FILIP1: variants seen among roughly 807,000 people sequenced by gnomAD.
FILIP1 encodes filamin A interacting protein 1, also known as filamin-A-interacting protein 1.
FILIP1 carries 61 observed loss-of-function variants against 102.1 expected under a neutral mutation model. That is an observed-to-expected ratio of 0.60 (90% CI 0.49 to 0.74). The LOEUF (loss-of-function observed/expected upper bound fraction) is 0.74. Among genes scored for constraint, FILIP1 ranks in the 30% least tolerant of loss-of-function variants. The probability of loss-of-function intolerance (pLI) is 0.00; values close to 1 mark genes in which losing one functional copy is unlikely to be tolerated. For synonymous variants in FILIP1, 491 were observed against 526.9 expected, an observed-to-expected ratio of 0.93 and a Z score of 0.93; for missense variants, 1,314 against 1,441.2, an observed-to-expected ratio of 0.91 and a Z score of 1.43.
At chr6:75,369,880 T>C (rs548431453) in intron 2 of FILIP1, among the ~76,000 whole-genome samples, 8 of 152,344 alleles carry the variant, frequency 5.3e-5, no homozygotes, top group African/African-American at 1.4e-4. Flanking sequence ...TCTTAGACGA[T>C]GTAACCATGA....
chr6:75,295,117 C>T (rs944145599), exon 7 of FILIP1: 3 of 152,016 alleles, frequency 2.0e-5, no homozygotes, highest in Non-Finnish European at 4.4e-5. Flanking sequence ...AAGTCTTATA[C>T]ATACAAGTAA....
chr6:75,441,712 A>AC lies in FILIP1; in HGVS notation c.-6-26735dup, dbSNP rs1211033227. ...GGGCGGCTGGCCGGGCGGGGGACTG[A>AC]CCCCCCCACCTCCCTCCCGGACGGG... is the stretch of plus-strand genomic sequence containing the variant. On this transcript the variant is annotated intron_variant, in intron 1 of 5. Coordinates refer to ENST00000237172, the MANE Select transcript of FILIP1 (RefSeq NM_015687.5). Among the ~76,000 whole-genome samples, 9 of 125,180 alleles carry AC rather than the reference A, an allele frequency of 7.2e-5. No homozygotes were observed. In the South Asian group the frequency reaches 8.2e-4, roughly 11 times the overall value. The allele number at this position is 125,180 out of a possible 152,430, so 82.1% of individuals were successfully genotyped here.
intron 1 of FILIP1, among the ~76,000 whole-genome samples, chr6:75,473,170 G>C (rs1392789069): frequency 2.6e-5 from 4 of 152,110 alleles, no homozygotes; most frequent in Non-Finnish European, 5.9e-5. Context: ...GGACAATCTT[G>C]AGGAAGGATC....
chr6:75,330,049 G>A (rs560409287), intron 4 of FILIP1, among the ~76,000 whole-genome samples: 136 of 152,238 alleles, frequency 8.9e-4, no homozygotes, highest in African/African-American at 3.2e-3. Context: ...AGAGAGAAGT[G>A]GATGAGGGTT....
At chr6:75,389,412 TTTTTCTATTGA>T (rs1374321294) in intron 2 of FILIP1, among the ~76,000 whole-genome samples, 2 of 152,192 alleles carry the variant, frequency 1.3e-5, no homozygotes, top group African/African-American at 4.8e-5. Context: ...GGAGTCCCTC[TTTTTCTATTGA>T]TTGGAATGGT....
chr6:75,295,733 T>C (rs969887655), exon 7 of FILIP1: 1 of 402,468 alleles, frequency 2.5e-6, no homozygotes, highest in African/African-American at 2.1e-5. Flanking sequence ...TTTCATATTA[T>C]CAGCAAGGCC....
intron 2 of FILIP1, among the ~76,000 whole-genome samples, chr6:75,405,454 AG>A (rs1318843595): frequency 6.6e-6 from 1 of 152,234 alleles, no homozygotes; most frequent in East Asian, 1.9e-4. Context: ...AAAAGAAAAA[AG>A]AAAAAAAAAC....
chr6:75,329,913 T>A (rs1175643083), intron 4 of FILIP1, among the ~76,000 whole-genome samples: 1 of 152,182 alleles, frequency 6.6e-6, no homozygotes, highest in Non-Finnish European at 1.5e-5. Context: ...TCCTTTGTGT[T>A]ACCAATGATC....
rs562653759 is a variant in FILIP1 at position 75,464,932 on chromosome 6, T to C, written c.-7+28482A>G. On this transcript the variant is annotated intron_variant, in intron 1 of 5. Transcript: ENST00000237172. The stretch of plus-strand genomic sequence containing the variant: ...ATTTTATAGTTCAACATAGAAAATA[T>C]ATCCAGAATATGACCACTTTTCACT... 3.3e-3 allele frequency among the ~76,000 whole-genome samples: 507 copies of C among 152,270 alleles called. 9 individuals are homozygous for C. Among genetic ancestry groups the C allele is most frequent in the Non-Finnish European group, 1.2e-3 (83 of 68,032 alleles).
chr6:75,441,846 C>T (rs1219955966), intron 1 of FILIP1, among the ~76,000 whole-genome samples: 70 of 145,092 alleles, frequency 4.8e-4, no homozygotes, highest in Non-Finnish European at 9.4e-4. Context: ...CTGGCCCCCC[C>T]ACCTCCCTCC....
intron 1 of FILIP1, among the ~76,000 whole-genome samples, chr6:75,473,159 T>C (rs952067480): frequency 3.9e-5 from 6 of 152,186 alleles, no homozygotes; most frequent in African/African-American, 4.8e-5. Context: ...TTTGACTTTA[T>C]GGACAATCTT....
chr6:75,339,257 T>C (rs1301423078), intron 4 of FILIP1, among the ~76,000 whole-genome samples: 3 of 152,226 alleles, frequency 2.0e-5, no homozygotes, highest in African/African-American at 7.2e-5. Context: ...TGATTTTTAT[T>C]GTGTGTTTCT....
chr6:75,323,741 G>A (rs1773738302), intron 4 of FILIP1, among the ~76,000 whole-genome samples: 1 of 152,146 alleles, frequency 6.6e-6, no homozygotes, highest in Non-Finnish European at 1.5e-5. Flanking sequence ...GAAGTGACAT[G>A]GTTTGGCTCT....
intron 1 of FILIP1, among the ~76,000 whole-genome samples, chr6:75,426,362 C>G (rs1318171755): frequency 1.3e-5 from 2 of 152,158 alleles, no homozygotes; most frequent in African/African-American, 2.4e-5. Flanking sequence ...ACCCGACATT[C>G]TGTTTCATGG....
At chr6:75,297,775 C>G (rs1772722047) in intron 6 of FILIP1, among the ~76,000 whole-genome samples, 1 of 152,078 alleles carries the variant, frequency 6.6e-6, no homozygotes, top group African/African-American at 2.4e-5. Context: ...CTCAAATCTC[C>G]CTGGTAAAAT....
Position 75,449,246 on chromosome 6 carries a change from T to C in FILIP1, c.-6-34268A>G, listed in dbSNP as rs571477962. Among the ~76,000 whole-genome samples the C allele has an allele frequency of 3.9e-5, 6 of 152,202 alleles. No individual in the cohort carries two copies. In the East Asian group the frequency reaches 5.8e-4, roughly 15 times the overall value. ...CTCAGGAATGGAAAACCAAACATCGTATGTTCTCTCATAAGTGGGAGATAA... is the reference window on the plus strand; with the variant it reads ...CTCAGGAATGGAAAACCAAACATCGCATGTTCTCTCATAAGTGGGAGATAA... On this transcript the variant is annotated intron_variant, in intron 1 of 5. Transcript: ENST00000237172.
Position 75,358,018 on chromosome 6 carries a change from A to G in FILIP1, c.451-4301T>C, listed in dbSNP as rs188781150. Among the ~76,000 whole-genome samples, 90 of 152,366 alleles carry G rather than the reference A, an allele frequency of 5.9e-4. 1 individual carries two copies. The East Asian group carries it at 0.016, about 28-fold the overall frequency. Reference sequence around the variant, plus strand: ...AATAGGCACCTATTGCTTTGGAAATATAGATTCTACTTGGACGAAGTGGAA... The same window carrying G: ...AATAGGCACCTATTGCTTTGGAAATGTAGATTCTACTTGGACGAAGTGGAA... On this transcript the variant is annotated intron_variant, in intron 3 of 5. Transcript: ENST00000237172.
In FILIP1 at chr6:75,301,315, T is replaced by A. The variant is rs573417396; in HGVS notation, c.3494-5365A>T. Among the ~76,000 whole-genome samples the A allele has an allele frequency of 3.9e-5, 6 of 152,352 alleles. No homozygotes were observed. The East Asian group carries it at 1.2e-3, about 29-fold the overall frequency. On this transcript the variant is annotated intron_variant, in intron 6 of 6. Coordinates refer to the FILIP1 transcript ENST00000393004. ...ATGAGTGTTTCAGTCTATGTATGAATGTACATTTTACTCACTTGTAGTAGT... is the reference window on the plus strand; with the variant it reads ...ATGAGTGTTTCAGTCTATGTATGAAAGTACATTTTACTCACTTGTAGTAGT...
chr6:75,320,691 G>A (rs1206580337), intron 4 of FILIP1, among the ~76,000 whole-genome samples: 2 of 152,226 alleles, frequency 1.3e-5, no homozygotes, highest in Admixed American at 6.5e-5. Flanking sequence ...AACAGATATT[G>A]CAGTTGTTAT....
Sources: gnomAD v4.1 joint callset for allele counts (sites outside exome capture counted in the v4.1 genomes callset) on GRCh38, gnomAD v4.1.1 for gene constraint, MANE v1.5 for transcripts, NCBI Gene and HGNC (gene_info 2026-07-23, HGNC 2026-07-21) for gene names.